The following NR6A1 variants were observed in gnomAD, a reference collection of about 807,000 sequenced individuals.
NR6A1 encodes retinoic acid receptor-related testis-associated receptor.
Under a neutral mutation model 59.1 loss-of-function variants are expected in NR6A1, and 7 were observed. The ratio of observed to expected loss-of-function variants is 0.12; its 90% CI spans 0.07 to 0.22. The LOEUF is 0.22. Ranked by LOEUF, NR6A1 falls within the 10% of genes least tolerant of loss-of-function variation. The pLI, the probability that NR6A1 is intolerant of heterozygous loss-of-function variation, is 1.00. For synonymous variants in NR6A1, 243 were observed against 236.1 expected (o/e 1.03, Z -0.27); for missense variants, 468 against 611.6 (o/e 0.77, Z 2.48).
chr9:124,628,296 G>A (rs1031975781), intron 2 of NR6A1, among the ~76,000 whole-genome samples: 42 of 152,200 alleles, frequency 2.8e-4, no homozygotes, highest in African/African-American at 8.4e-4. Flanking sequence ...CAAAAGTGCC[G>A]GGATTACAGG....
intron 2 of NR6A1, among the ~76,000 whole-genome samples, chr9:124,666,575 G>A (rs572296715): frequency 2.6e-5 from 4 of 152,202 alleles, no homozygotes; most frequent in African/African-American, 7.2e-5. Context: ...AACCATGCCC[G>A]GCCACCATTT....
chr9:124,668,410 G>A (rs1337529270), intron 2 of NR6A1, among the ~76,000 whole-genome samples: 2 of 152,134 alleles, frequency 1.3e-5, no homozygotes, highest in Admixed American at 6.5e-5. Flanking sequence ...CCACATATAA[G>A]TGGACCTGCG....
At chr9:124,542,647 T>C (rs1422349686) in intron 4 of NR6A1, among the ~76,000 whole-genome samples, 1 of 152,226 alleles carries the variant, frequency 6.6e-6, no homozygotes, top group Non-Finnish European at 1.5e-5. Context: ...CTTCCTAAAA[T>C]GCAAATCTAA....
At chr9:124,621,483 TAAA>T (rs11366819) in intron 2 of NR6A1, among the ~76,000 whole-genome samples, 5 of 143,422 alleles carry the variant, frequency 3.5e-5, no homozygotes, top group Non-Finnish European at 4.6e-5. Flanking sequence ...CCAATATCTT[TAAA>T]AAAAAAAAAA....
intron 2 of NR6A1, among the ~76,000 whole-genome samples, chr9:124,731,365 A>T (rs2131124088): frequency 6.6e-6 from 1 of 150,402 alleles, no homozygotes; most frequent in Non-Finnish European, 1.5e-5. Flanking sequence ...GCGAAACTCC[A>T]TCTCGAAAAA....
intron 2 of NR6A1, among the ~76,000 whole-genome samples, chr9:124,653,592 A>G (rs1357865219): frequency 1.3e-5 from 2 of 152,140 alleles, no homozygotes; most frequent in Non-Finnish European, 2.9e-5. Context: ...TTTTTTGTAG[A>G]TATGGGGGTC....
In NR6A1 at chr9:124,557,113, G is replaced by A. The variant is rs74309600; in HGVS notation, c.143-2543C>T. 7.0e-4 allele frequency among the ~76,000 whole-genome samples: 107 copies of A among 152,140 alleles called. 1 individual carries two copies. The East Asian group carries it at 0.016, about 23-fold the overall frequency. The stretch of plus-strand genomic sequence containing the variant: ...CACAGTGACAAATTGACATAACCAC[G>A]TTATTGTAATACAATCCTCCTTTTT... On this transcript the variant is annotated intron_variant, in intron 2 of 9. Transcript: ENST00000487099.
chr9:124,529,757 C>T (rs2131329501), intron 7 of NR6A1, among the ~76,000 whole-genome samples: 1 of 152,322 alleles, frequency 6.6e-6, no homozygotes, highest in African/African-American at 2.4e-5. Flanking sequence ...AGAACTGCCA[C>T]TGCAAGTGCC....
chr9:124,681,171 A>C (rs891007083), intron 2 of NR6A1, among the ~76,000 whole-genome samples: 1 of 152,136 alleles, frequency 6.6e-6, no homozygotes, highest in African/African-American at 2.4e-5. Context: ...TTACGTTGTA[A>C]GCTGAACTAG....
chr9:124,728,881 T>C (rs1439172335), intron 2 of NR6A1, among the ~76,000 whole-genome samples: 1 of 152,188 alleles, frequency 6.6e-6, no homozygotes, highest in Non-Finnish European at 1.5e-5. Flanking sequence ...TAAGATTTGA[T>C]TTTCTTATAC....
intron 2 of NR6A1, among the ~76,000 whole-genome samples, chr9:124,712,242 C>T (rs902817666): frequency 1.3e-5 from 2 of 151,938 alleles, no homozygotes; most frequent in African/African-American, 4.8e-5. Context: ...TATGACTACA[C>T]GAAAAATTAA....
At chr9:124,599,174 G>A in intron 2 of NR6A1, 1 of 559,680 alleles carries the variant, frequency 1.8e-6, no homozygotes, top group Non-Finnish European at 3.4e-6. Context: ...CGGGGGCGGT[G>A]GCTCACTCCT....
intron 1 of NR6A1, among the ~76,000 whole-genome samples, chr9:124,733,732 T>C (rs1330128174): frequency 6.6e-6 from 1 of 152,216 alleles, no homozygotes. Flanking sequence ...TCATATTCTA[T>C]TTAACACTGC....
At chr9:124,657,183 C>T (rs1046592180) in intron 2 of NR6A1, among the ~76,000 whole-genome samples, 3 of 152,110 alleles carry the variant, frequency 2.0e-5, no homozygotes, top group Non-Finnish European at 4.4e-5. Context: ...TGCATCAAAA[C>T]AGCTTTTCTC....
intron 2 of NR6A1, among the ~76,000 whole-genome samples, chr9:124,588,491 GT>G (rs1207779051): frequency 6.6e-6 from 1 of 151,298 alleles, no homozygotes; most frequent in Admixed American, 6.6e-5. Flanking sequence ...GTATTTTTTA[GT>G]AGAGACGGGG....
rs527637637 is a variant in NR6A1 at position 124,762,236 on chromosome 9, T to A, written c.100+8784A>T. Reference sequence around the variant, plus strand: ...ATGTGGCTTTGTCTATTGATATTTATCATACTGGAAAATAAACCTATGAAA... The same window carrying A: ...ATGTGGCTTTGTCTATTGATATTTAACATACTGGAAAATAAACCTATGAAA... On this transcript the variant is annotated intron_variant, in intron 1 of 9. Transcript: ENST00000487099. 8.5e-5 allele frequency among the ~76,000 whole-genome samples: 13 copies of A among 152,340 alleles called. 1 individual carries two copies. The South Asian group carries it at 2.5e-3, about 29-fold the overall frequency.
chr9:124,651,712 T>A (rs918059826), intron 2 of NR6A1, among the ~76,000 whole-genome samples: 1 of 152,200 alleles, frequency 6.6e-6, no homozygotes, highest in Non-Finnish European at 1.5e-5. Context: ...CCTCATTACA[T>A]ATCTAAAGAA....
chr9:124,573,343 T>G (rs1834499133), intron 2 of NR6A1, among the ~76,000 whole-genome samples: 1 of 152,210 alleles, frequency 6.6e-6, no homozygotes, highest in African/African-American at 2.4e-5. Flanking sequence ...CTAGCATACT[T>G]CCATAAGTAA....
intron 6 of NR6A1, 121 bp downstream of exon 6, chr9:124,537,971 T>G (rs1468497414): frequency 1.4e-6 from 1 of 725,192 alleles, no homozygotes; most frequent in African/African-American, 1.8e-5. Context: ...CCCCTGACAC[T>G]TGAGTCATTA....
Sources: gnomAD v4.1 joint callset for allele counts (sites outside exome capture counted in the v4.1 genomes callset) on GRCh38, gnomAD v4.1.1 for gene constraint, MANE v1.5 for transcripts, NCBI Gene and HGNC (gene_info 2026-07-23, HGNC 2026-07-21) for gene names.